The following RERE variants were observed in gnomAD, a reference collection of about 807,000 sequenced individuals.
The protein encoded by RERE is arginine-glutamic acid dipeptide repeats.
In RERE, 40 loss-of-function variants were observed where a neutral mutation model predicts 146.1. That is an observed-to-expected ratio of 0.27 (90% CI 0.21 to 0.36). RERE has a LOEUF of 0.36. Among genes scored for constraint, RERE ranks in the 10% least tolerant of loss-of-function variants. The pLI, the probability that RERE is intolerant of heterozygous loss-of-function variation, is 1.00. For synonymous variants in RERE, 1,003 were observed against 866.0 expected (o/e 1.16, Z -2.78); for missense variants, 1,933 against 2,138.7 (o/e 0.90, Z 1.90).
intron 11 of RERE, among the ~76,000 whole-genome samples, chr1:8,448,618 A>C (rs1322114487): frequency 6.6e-6 from 1 of 152,116 alleles, no homozygotes; most frequent in Non-Finnish European, 1.5e-5. Context: ...TTAGCTGGGC[A>C]TGGTGGCTAA....
At chr1:8,594,320 T>C (rs1036790283) in intron 4 of RERE, among the ~76,000 whole-genome samples, 2 of 152,224 alleles carry the variant, frequency 1.3e-5, no homozygotes, top group African/African-American at 4.8e-5. Flanking sequence ...TCATCACGAC[T>C]GTACATAAAA....
intron 1 of RERE, among the ~76,000 whole-genome samples, chr1:8,756,676 G>A (rs557215264): frequency 1.3e-5 from 2 of 152,250 alleles, no homozygotes; most frequent in Admixed American, 1.3e-4. Context: ...CTTTTTGAAA[G>A]TTTTCTTTGA....
intron 20 of RERE, 44 bp downstream of exon 20, chr1:8,358,152 C>T: frequency 6.4e-7 from 1 of 1,551,670 alleles, no homozygotes; most frequent in Non-Finnish European, 8.7e-7. Flanking sequence ...GGCTCTGCAC[C>T]CCTCCCCGTG....
At chr1:8,790,540 CA>C (rs2124573939) in intron 1 of RERE, among the ~76,000 whole-genome samples, 1 of 152,272 alleles carries the variant, frequency 6.6e-6, no homozygotes, top group African/African-American at 2.4e-5. Context: ...TACAGTTTTT[CA>C]AATCCTTCAT....
At chr1:8,793,340 T>A (rs191451954) in intron 1 of RERE, among the ~76,000 whole-genome samples, 3 of 152,242 alleles carry the variant, frequency 2.0e-5, no homozygotes, top group African/African-American at 7.2e-5. Flanking sequence ...ATCAACAGCA[T>A]GTGATACTCT....
chr1:8,429,240 A>T (rs1644060865), intron 11 of RERE, among the ~76,000 whole-genome samples: 1 of 152,164 alleles, frequency 6.6e-6, no homozygotes, highest in Non-Finnish European at 1.5e-5. Context: ...TAAATCCTTG[A>T]ACCAGGCTGG....
chr1:8,409,977 T>TTC (rs1643567509), intron 12 of RERE, among the ~76,000 whole-genome samples: 1 of 147,778 alleles, frequency 6.8e-6, no homozygotes, highest in Non-Finnish European at 1.5e-5. Flanking sequence ...GGCAATTTTT[T>TTC]TTTTTTTTTT....
rs1383676986 is a variant in RERE at position 8,580,643 on chromosome 1, C to T, written c.523-23120G>A. ...TCAACTCAAAACAGTTCTATCACTC[C>T]AGAAAGTTCTCTCAAGCACTTTCCC... On this transcript the variant is annotated intron_variant, in intron 4 of 22. Transcript: ENST00000400908. Among the ~76,000 whole-genome samples, 6 of 152,088 alleles carry T rather than the reference C, an allele frequency of 3.9e-5. No individual in the cohort carries two copies. The East Asian group carries it at 5.8e-4, about 15-fold the overall frequency.
chr1:8,528,867 A>G (rs1221853004), intron 7 of RERE, among the ~76,000 whole-genome samples: 1 of 152,194 alleles, frequency 6.6e-6, no homozygotes, highest in African/African-American at 2.4e-5. Context: ...GTTATCTCAT[A>G]AAGTGTATAT....
At chr1:8,412,727 A>G (rs1643647920) in intron 12 of RERE, among the ~76,000 whole-genome samples, 1 of 152,258 alleles carries the variant, frequency 6.6e-6, no homozygotes, top group Non-Finnish European at 1.5e-5. Context: ...ACTGCGCACA[A>G]TAAACAGAAC....
intron 6 of RERE, among the ~76,000 whole-genome samples, chr1:8,550,763 G>A (rs965150352): frequency 1.3e-4 from 20 of 152,160 alleles, no homozygotes; most frequent in African/African-American, 4.8e-4. Context: ...GGCCAGGCTG[G>A]TCTTGAACTC....
intron 8 of RERE, among the ~76,000 whole-genome samples, chr1:8,504,726 G>A (rs1218909415): frequency 3.3e-5 from 5 of 152,042 alleles, no homozygotes; most frequent in South Asian, 2.1e-4. Context: ...GGTGGCGGGC[G>A]CCTATAATCC....
At chr1:8,366,015 CT>C in intron 12 of RERE, 41 bp from the exon 13 acceptor site, 1 of 1,597,396 alleles carries the variant, frequency 6.3e-7, no homozygotes, top group East Asian at 2.2e-5. Flanking sequence ...GGGCCTGGGG[CT>C]TTTCCGTGCC....
At chr1:8,545,666 A>G (rs1409623200) in intron 6 of RERE, among the ~76,000 whole-genome samples, 1 of 150,292 alleles carries the variant, frequency 6.7e-6, no homozygotes, top group African/African-American at 2.4e-5. Context: ...AATAAAAAAT[A>G]AATTATTAAT....
intron 1 of RERE, among the ~76,000 whole-genome samples, chr1:8,675,738 TATACATACATACATACATACATAC>T (rs59265268): frequency 6.8e-5 from 10 of 147,780 alleles, no homozygotes; most frequent in Non-Finnish European, 1.2e-4. Flanking sequence ...TACATACATA[TATACATACATACATACATACATAC>T]ATACATACAT....
At chr1:8,411,539 T>TC (rs976282385) in intron 12 of RERE, among the ~76,000 whole-genome samples, 4 of 151,938 alleles carry the variant, frequency 2.6e-5, no homozygotes, top group African/African-American at 9.7e-5. Flanking sequence ...CCCACCCATC[T>TC]CCCGTAAGGT....
intron 1 of RERE, among the ~76,000 whole-genome samples, chr1:8,797,585 C>T (rs992072016): frequency 5.9e-5 from 9 of 152,188 alleles, no homozygotes; most frequent in Middle Eastern, 3.2e-3. Context: ...ATTTAAAGCA[C>T]TTACCATATT....
At chr1:8,416,351 C>A (rs184332203) in intron 12 of RERE, among the ~76,000 whole-genome samples, 2 of 152,022 alleles carry the variant, frequency 1.3e-5, no homozygotes, top group African/African-American at 4.8e-5. Flanking sequence ...TTTGGGAGGC[C>A]AAGGCGGGCG....
chr1:8,598,812 C>T (rs1360696895), intron 4 of RERE, among the ~76,000 whole-genome samples: 2 of 152,226 alleles, frequency 1.3e-5, no homozygotes, highest in African/African-American at 4.8e-5. Context: ...AGATCAACGT[C>T]TTCTAACACA....
Sources: allele counts gnomAD v4.1 joint callset (sites outside exome capture counted in the v4.1 genomes callset), GRCh38; gene constraint gnomAD v4.1.1; transcripts MANE v1.5; gene names NCBI Gene and HGNC (gene_info 2026-07-23, HGNC 2026-07-21).